The following IFT88 variants were observed in gnomAD, a reference collection of about 807,000 sequenced individuals.
IFT88 encodes intraflagellar transport 88.
IFT88 carries 74 observed loss-of-function variants against 119.5 expected under a neutral mutation model. That is an observed-to-expected ratio of 0.62 (90% CI 0.51 to 0.75). The LOEUF (loss-of-function observed/expected upper bound fraction) is 0.75, where lower values mean the gene tolerates loss of function less well. Ranked by LOEUF, IFT88 falls within the 30% of genes least tolerant of loss-of-function variation. The pLI is 0.00. For synonymous variants in IFT88, 279 were observed against 316.7 expected (o/e 0.88, Z 1.26); for missense variants, 961 against 977.7 (o/e 0.98, Z 0.23).
intron 24 of IFT88, among the ~76,000 whole-genome samples, 176 bp from the exon 25 acceptor site, chr13:20,690,529 C>A (rs1225080059): frequency 6.6e-6 from 1 of 152,102 alleles, no homozygotes; most frequent in Non-Finnish European, 1.5e-5. Context: ...ATTATAGATT[C>A]CCACAAGATA....
chr13:20,602,975 AATATT>A (rs1362466987), intron 12 of IFT88, among the ~76,000 whole-genome samples: 31 of 152,346 alleles, frequency 2.0e-4, no homozygotes, highest in Admixed American at 7.8e-4. Flanking sequence ...CACCTAGAGA[AATATT>A]ATATAATGTT....
chr13:20,687,548 GCC>G (rs2058064204), intron 24 of IFT88, among the ~76,000 whole-genome samples: 4 of 152,172 alleles, frequency 2.6e-5, no homozygotes, highest in South Asian at 4.2e-4. Context: ...ACTATCCTAA[GCC>G]TGTTTTCTCA....
At chr13:20,570,854 A>G (rs959920277) in intron 1 of IFT88, among the ~76,000 whole-genome samples, 1 of 152,132 alleles carries the variant, frequency 6.6e-6, no homozygotes, top group Non-Finnish European at 1.5e-5. Context: ...TGGTATATGA[A>G]TTATAGTTCA....
At chr13:20,648,703 A>C (rs901502094) in intron 20 of IFT88, among the ~76,000 whole-genome samples, 5 of 152,138 alleles carry the variant, frequency 3.3e-5, no homozygotes, top group Admixed American at 3.3e-4. Context: ...AATTTATTAA[A>C]CTTTCCCATT....
chr13:20,640,990 A>G (rs1467277388), intron 17 of IFT88, among the ~76,000 whole-genome samples: 1 of 152,166 alleles, frequency 6.6e-6, no homozygotes, highest in African/African-American at 2.4e-5. Context: ...TACTAAAAAT[A>G]CAAAAAATTA....
chr13:20,580,452 G>A (rs1015778675), intron 2 of IFT88, among the ~76,000 whole-genome samples: 4 of 152,116 alleles, frequency 2.6e-5, no homozygotes, highest in African/African-American at 9.7e-5. Flanking sequence ...AGCAGGTGGA[G>A]GTGGCAGTGA....
chr13:20,617,104 C>A (rs914706871), intron 14 of IFT88, among the ~76,000 whole-genome samples: 7 of 152,026 alleles, frequency 4.6e-5, no homozygotes, highest in African/African-American at 1.7e-4. Context: ...CCACCAAGCC[C>A]AGCTAATTTT....
At chr13:20,666,298 A>G (rs2054666081) in intron 23 of IFT88, among the ~76,000 whole-genome samples, 1 of 152,224 alleles carries the variant, frequency 6.6e-6, no homozygotes, top group Non-Finnish European at 1.5e-5. Flanking sequence ...TGTCACTGAC[A>G]TTACTAGAAA....
chr13:20,598,620 T>C (rs2042123864), intron 9 of IFT88, 31 bp from the exon 10 acceptor site: 1 of 1,406,282 alleles, frequency 7.1e-7, no homozygotes, highest in Non-Finnish European at 1.0e-6. Context: ...AGTGGTCTTA[T>C]GTGTCTTTTC....
chr13:20,655,228 T>C (rs1165396881), intron 21 of IFT88, among the ~76,000 whole-genome samples: 2 of 151,876 alleles, frequency 1.3e-5, no homozygotes, highest in Non-Finnish European at 2.9e-5. Flanking sequence ...GGTCAAGAGA[T>C]CGAGACCATC....
intron 3 of IFT88, among the ~76,000 whole-genome samples, chr13:20,584,453 T>C (rs1281679189): frequency 1.3e-5 from 2 of 152,170 alleles, no homozygotes; most frequent in African/African-American, 2.4e-5. Context: ...TTTAAAAATA[T>C]TTGCTTTTCT....
chr13:20,571,386 G>T (rs1175771510), intron 1 of IFT88, among the ~76,000 whole-genome samples: 1 of 152,126 alleles, frequency 6.6e-6, no homozygotes, highest in African/African-American at 2.4e-5. Context: ...TACATTTCTT[G>T]AATACTAGCA....
chr13:20,658,700 G>A (rs2053285038), intron 22 of IFT88, among the ~76,000 whole-genome samples: 1 of 152,156 alleles, frequency 6.6e-6, no homozygotes, highest in African/African-American at 2.4e-5. Context: ...TAAAATCCCT[G>A]GCCTCTGTCC....
intron 8 of IFT88, 89 bp downstream of exon 8, chr13:20,596,329 T>C: frequency 2.1e-6 from 1 of 465,994 alleles, no homozygotes; most frequent in Non-Finnish European, 3.8e-6. Flanking sequence ...GACAAATATT[T>C]TTGTTTGCCG....
At chr13:20,607,153 A>G in intron 13 of IFT88, 1 of 408,774 alleles carries the variant, frequency 2.4e-6, no homozygotes, top group South Asian at 1.9e-5. Context: ...ACATCCTGGT[A>G]CTGTACGTGG....
chr13:20,674,723 TA>T (rs201162037), intron 24 of IFT88, among the ~76,000 whole-genome samples: 2,474 of 27,690 alleles, frequency 0.089, 76 homozygotes, highest in African/African-American at 0.29. Flanking sequence ...TATATATATA[TA>T]TTTTTTTTTT....
intron 12 of IFT88, among the ~76,000 whole-genome samples, chr13:20,603,367 C>G (rs1594080614): frequency 2.3e-5 from 3 of 128,630 alleles, no homozygotes. Flanking sequence ...GCCTGGGTGA[C>G]AAGAGCAAAA....
At chr13:20,586,468 C>T (rs1257899901) in intron 3 of IFT88, among the ~76,000 whole-genome samples, 1 of 152,038 alleles carries the variant, frequency 6.6e-6, no homozygotes, top group Admixed American at 6.6e-5. Context: ...TTGGGAAAGT[C>T]AGAAGAGATT....
At chr13:20,587,262 T>C (rs978470479) in intron 3 of IFT88, among the ~76,000 whole-genome samples, 41 of 152,044 alleles carry the variant, frequency 2.7e-4, no homozygotes, top group Admixed American at 7.9e-4. Flanking sequence ...TGCTTTTTTT[T>C]TTTCTTTCTT....
Sources: gnomAD v4.1 joint callset for allele counts (sites outside exome capture counted in the v4.1 genomes callset) on GRCh38, gnomAD v4.1.1 for gene constraint, MANE v1.5 for transcripts, NCBI Gene and HGNC (gene_info 2026-07-23, HGNC 2026-07-21) for gene names.